NUS1: variants seen among roughly 807,000 people sequenced by gnomAD.
NUS1 encodes the protein dehydrodolichyl diphosphate synthase complex subunit NUS1.
For missense variants in NUS1, 292 were observed against 382.9 expected, an observed-to-expected ratio of 0.76 and a Z score of 1.98; for synonymous variants, 135 against 155.2, an observed-to-expected ratio of 0.87 and a Z score of 0.97.
At position 117,707,581 on chromosome 6, in the gene NUS1, C is replaced by T. The variant is rs1773518775; in HGVS notation, c.*566C>T. ...TCAGAGCAGAGGGAATACCTATCTT[C>T]AGATATCCGTCCATTTTCATCTCTT... On this transcript the variant is annotated 3_prime_UTR_variant, in exon 5 of 5. Transcript: ENST00000368494. 1 of 137,874 alleles carries T rather than the reference C, an allele frequency of 7.3e-6. No individual in the cohort carries two copies. The highest frequency in any genetic ancestry group is 2.6e-4 in the South Asian group (1 of 3,874). The allele number at this position is 137,874 out of a possible 1,614,324, so 8.5% of individuals were successfully genotyped here.
intron 3 of NUS1, among the ~76,000 whole-genome samples, chr6:117,697,153 A>G (rs1395152100): frequency 2.0e-5 from 3 of 152,100 alleles, no homozygotes; most frequent in Admixed American, 6.5e-5. Flanking sequence ...ATCAAAAAAC[A>G]TACAAGAGAT....
rs901644079 is a variant in NUS1, at chr6:117,707,307, C to G, written c.*292C>G. The G allele has an allele frequency of 3.2e-6, 1 of 309,002 alleles. No individual in the cohort carries two copies. Among genetic ancestry groups the G allele is most frequent in the Non-Finnish European group, 6.3e-6 (1 of 159,404 alleles). 19.1% of individuals were successfully genotyped at this position (309,002 alleles called of 1,614,324 possible). Reference sequence around the variant, plus strand: ...GCAAATAGCAGTGATGTTTTAGGAACTGAAATGTCACACTTAAAGTCTTCA... The same window carrying G: ...GCAAATAGCAGTGATGTTTTAGGAAGTGAAATGTCACACTTAAAGTCTTCA... On this transcript the variant is annotated 3_prime_UTR_variant, in exon 5 of 5. Transcript: ENST00000368494.
chr6:117,688,755 G>A (rs1773176041), intron 1 of NUS1, among the ~76,000 whole-genome samples: 1 of 152,094 alleles, frequency 6.6e-6, no homozygotes, highest in Non-Finnish European at 1.5e-5. Context: ...AGAAATGTTA[G>A]GAACCAAATG....
chr6:117,676,598 T>A (rs1772986060), intron 1 of NUS1, among the ~76,000 whole-genome samples: 1 of 152,076 alleles, frequency 6.6e-6, no homozygotes, highest in Non-Finnish European at 1.5e-5. Context: ...AATAAATAAA[T>A]AAAAATAAAT....
intron 1 of NUS1, among the ~76,000 whole-genome samples, chr6:117,677,344 T>C (rs919297016): frequency 6.6e-6 from 1 of 152,150 alleles, no homozygotes; most frequent in African/African-American, 2.4e-5. Context: ...GGAGGTGGGA[T>C]TTAAGCAGGA....
intron 3 of NUS1, among the ~76,000 whole-genome samples, chr6:117,700,896 A>C (rs1773396239): frequency 6.6e-6 from 1 of 152,126 alleles, no homozygotes; most frequent in Non-Finnish European, 1.5e-5. Context: ...GGAGCTAAAA[A>C]TTAAAACAAT....
In NUS1 at chr6:117,675,647, G is replaced by C; in HGVS notation, c.-24G>C. 1 of 1,392,868 alleles carries C rather than the reference G, an allele frequency of 7.2e-7. No homozygotes were observed. The allele number at this position is 1,392,868 out of a possible 1,614,324, so 86.3% of individuals were successfully genotyped here. A position where few individuals can be genotyped will look rare whatever the true frequency, so the allele number is the denominator to read the frequency against. On this transcript the variant is annotated 5_prime_UTR_variant, in exon 1 of 5. Transcript: ENST00000368494. ...CTGCGGGAGTGGGCGGGAGGGAGAG[G>C]GGGTGTCTGAGGGCCACAAGAGTAT...
Position 117,675,470 on chromosome 6 carries a change from T to A in NUS1, c.-201T>A. On this transcript the variant is annotated 5_prime_UTR_variant, in exon 1 of 5. Coordinates refer to ENST00000368494, the MANE Select transcript of NUS1 (RefSeq NM_138459.5). ...CGCTGGCCAATCGGAACTGTCCATG[T>A]ACTACTGGGGGCGGGGCTGCCAAGG... 1 of 609,594 alleles carries A rather than the reference T, an allele frequency of 1.6e-6. No individual in the cohort carries two copies. Among genetic ancestry groups the A allele is most frequent in the South Asian group, 1.9e-5 (1 of 51,644 alleles). The allele number at this position is 609,594 out of a possible 1,614,324, so 37.8% of individuals were successfully genotyped here. A position where few individuals can be genotyped will look rare whatever the true frequency, so the allele number is the denominator to read the frequency against.
Position 117,707,279 on chromosome 6 carries a change from T to G in NUS1, c.*264T>G. 1 of 358,198 alleles carries G rather than the reference T, an allele frequency of 2.8e-6. No homozygotes were observed. Among genetic ancestry groups the G allele is most frequent in the East Asian group, 5.7e-5 (1 of 17,484 alleles). The allele number at this position is 358,198 out of a possible 1,614,324, so 22.2% of individuals were successfully genotyped here. A position where few individuals can be genotyped will look rare whatever the true frequency, so the allele number is the denominator to read the frequency against. On this transcript the variant is annotated 3_prime_UTR_variant, in exon 5 of 5. Coordinates refer to ENST00000368494, the MANE Select transcript of NUS1 (RefSeq NM_138459.5). ...AAGGAAATACATAGACCTACAACTT[T>G]GAGCAAATAGCAGTGATGTTTTAGG...
chr6:117,676,236 A>G (rs1440759625), intron 1 of NUS1, 151 bp downstream of exon 1: 1 of 1,231,216 alleles, frequency 8.1e-7, no homozygotes, highest in East Asian at 2.6e-5. Context: ...AGCTTTATTG[A>G]ACACCTACTA....
intron 1 of NUS1, among the ~76,000 whole-genome samples, chr6:117,682,539 T>C (rs1330367458): frequency 6.6e-6 from 1 of 152,210 alleles, no homozygotes; most frequent in African/African-American, 2.4e-5. Context: ...AGGTTGGGGC[T>C]ACAGTGAACC....
At chr6:117,690,692 A>G (rs147162503) in intron 1 of NUS1, among the ~76,000 whole-genome samples, 1 of 151,964 alleles carries the variant, frequency 6.6e-6, no homozygotes, top group African/African-American at 2.4e-5. Flanking sequence ...GGAATTTTCA[A>G]CTTTTAAAAA....
At chr6:117,694,468 C>T (rs1256394219) in intron 3 of NUS1, among the ~76,000 whole-genome samples, 1 of 151,928 alleles carries the variant, frequency 6.6e-6, no homozygotes, top group Non-Finnish European at 1.5e-5. Context: ...GAAAATAGGA[C>T]TTCTGCTTGT....
chr6:117,682,474 G>A (rs1024617735), intron 1 of NUS1, among the ~76,000 whole-genome samples: 1 of 152,130 alleles, frequency 6.6e-6, no homozygotes, highest in Non-Finnish European at 1.5e-5. Flanking sequence ...CATGGTGTGT[G>A]CCTGTAGTCC....
At chr6:117,681,745 T>TTACA (rs780905669) in intron 1 of NUS1, among the ~76,000 whole-genome samples, 1 of 152,168 alleles carries the variant, frequency 6.6e-6, no homozygotes, top group East Asian at 1.9e-4. Flanking sequence ...GTAGTTGACT[T>TTACA]TTTGTACAGT....
intron 1 of NUS1, among the ~76,000 whole-genome samples, chr6:117,690,979 C>CAA (rs71736900): frequency 0.56 from 40,619 of 73,032 alleles, 12,873 homozygotes; most frequent in Non-Finnish European, 0.7. Context: ...GAGTCTGTCT[C>CAA]AAAAAAAAAA....
intron 3 of NUS1, among the ~76,000 whole-genome samples, chr6:117,694,481 G>A (rs1773287450): frequency 6.6e-6 from 1 of 151,816 alleles, no homozygotes; most frequent in Non-Finnish European, 1.5e-5. Context: ...CTGCTTGTTA[G>A]CCTTCCTCTC....
intron 3 of NUS1, among the ~76,000 whole-genome samples, chr6:117,697,779 T>C (rs1419406261): frequency 1.3e-5 from 2 of 152,092 alleles, no homozygotes; most frequent in Admixed American, 1.3e-4. Flanking sequence ...CAAGAAACAT[T>C]GAACTTAATC....
chr6:117,684,220 G>T (rs1252030618), intron 1 of NUS1, among the ~76,000 whole-genome samples: 1 of 152,232 alleles, frequency 6.6e-6, no homozygotes, highest in Non-Finnish European at 1.5e-5. Flanking sequence ...CTGTCCTGCA[G>T]ATAATCTCCC....
Sources: allele counts gnomAD v4.1 joint callset (sites outside exome capture counted in the v4.1 genomes callset), GRCh38; gene constraint gnomAD v4.1.1; transcripts MANE v1.5; gene names NCBI Gene and HGNC (gene_info 2026-07-23, HGNC 2026-07-21).